ZNF624: variants seen among roughly 807,000 people sequenced by gnomAD.
ZNF624 encodes zinc finger protein 624.
Under a neutral mutation model 74.7 loss-of-function variants are expected in ZNF624, and 43 were observed. The ratio of observed to expected loss-of-function variants is 0.58; its 90% CI spans 0.45 to 0.74. The LOEUF is 0.74. ZNF624 is among the 30% of genes least tolerant of loss of function. The pLI, the probability that ZNF624 is intolerant of heterozygous loss-of-function variation, is 0.00. For synonymous variants in ZNF624, 331 were observed against 341.3 expected (o/e 0.97, Z 0.33); for missense variants, 820 against 1,030.0 (o/e 0.80, Z 2.79).
chr17:16,632,794 A>G (rs1316508348), intron 5 of ZNF624, among the ~76,000 whole-genome samples: 1 of 152,224 alleles, frequency 6.6e-6, no homozygotes, highest in East Asian at 1.9e-4. Context: ...CTGCAGTAGA[A>G]TCTCTCCATG....
chr17:16,617,401 C>T (rs192404580), downstream of ZNF624: 14 of 1,613,196 alleles, frequency 8.7e-6, no homozygotes, highest in East Asian at 6.7e-5. Context: ...GTCCAAAGCA[C>T]GCTTCATGTC....
At chr17:16,619,608 G>A (rs118083884), downstream of ZNF624, among the ~76,000 whole-genome samples, 1,846 of 152,334 alleles carry the variant, frequency 0.012, 18 homozygotes, top group Middle Eastern at 0.031. Flanking sequence ...ATCCACTGAG[G>A]AAGTGCAAAT....
chr17:16,629,444 T>C (rs1040523790), intron 5 of ZNF624, among the ~76,000 whole-genome samples: 1 of 151,962 alleles, frequency 6.6e-6, no homozygotes, highest in Non-Finnish European at 1.5e-5. Flanking sequence ...CAGATAGATG[T>C]CCTTTAATGA....
chr17:16,647,306 A>T (rs1236634119), intron 3 of ZNF624, 23 bp downstream of exon 3: 9 of 1,590,944 alleles, frequency 5.7e-6, no homozygotes, highest in Non-Finnish European at 7.8e-6. Context: ...TGTATTCATT[A>T]TATGTACAAC....
chr17:16,645,957 A>AAAAG (rs1199238038), intron 3 of ZNF624, among the ~76,000 whole-genome samples: 3 of 151,416 alleles, frequency 2.0e-5, no homozygotes, highest in African/African-American at 7.3e-5. Context: ...AAAAAAAAAA[A>AAAAG]AAAAAAAAGA....
chr17:16,639,388 G>A (rs975616401), intron 3 of ZNF624, among the ~76,000 whole-genome samples: 3 of 152,146 alleles, frequency 2.0e-5, no homozygotes, highest in Non-Finnish European at 2.9e-5. Flanking sequence ...CATGGCGAAT[G>A]TAGGACATGT....
intron 3 of ZNF624, among the ~76,000 whole-genome samples, chr17:16,639,053 C>T (rs922304799): frequency 3.3e-5 from 5 of 151,752 alleles, no homozygotes; most frequent in Admixed American, 6.6e-5. Flanking sequence ...GATGTCTTGC[C>T]CAAAGTCAAA....
At chr17:16,617,473 G>C (rs1350995091), downstream of ZNF624, 5 of 1,608,084 alleles carry the variant, frequency 3.1e-6, no homozygotes, top group African/African-American at 5.3e-5. Flanking sequence ...ATCCGCACAG[G>C]TTACTTAACC....
rs780837202 is a variant in ZNF624 at position 16,624,055 on chromosome 17, T to C, written c.831A>G (p.Lys277=). 33 of 1,614,108 alleles carry C rather than the reference T, an allele frequency of 2.0e-5. No homozygotes were observed. Among genetic ancestry groups the C allele is most frequent in the Admixed American group, 1.5e-4 (9 of 60,008 alleles). Residue 277 remains lysine, a synonymous_variant, in exon 6 of 6, where the codon AAA becomes AAG. Transcript: ENST00000311331. The part of the protein sequence containing the change: ...KKSNNKEKPY[K]CSTCEKAFHY... ...GAAAGGCCTTTTCGCATGTACTACA[T>C]TTGTAGGGTTTTTCCTTATTATTGG...
the ZNF624 span, among the ~76,000 whole-genome samples, chr17:16,615,519 AT>A: frequency 1.3e-5 from 2 of 152,156 alleles, no homozygotes; most frequent in African/African-American, 4.8e-5. Context: ...TTTTATGACA[AT>A]TTTTTAAATG....
chr17:16,648,836 C>T (rs1341323479), intron 2 of ZNF624, among the ~76,000 whole-genome samples: 1 of 152,168 alleles, frequency 6.6e-6, no homozygotes, highest in Non-Finnish European at 1.5e-5. Context: ...CCCTATCTGT[C>T]ACAACTTTCC....
chr17:16,649,946 G>C (rs1430696410), intron 1 of ZNF624, among the ~76,000 whole-genome samples, 200 bp from the exon 2 acceptor site: 1 of 152,116 alleles, frequency 6.6e-6, no homozygotes, highest in Admixed American at 6.5e-5. Flanking sequence ...CAACTAACAG[G>C]CTAGCCATTG....
At chr17:16,638,056 T>C (rs1909376330) in intron 3 of ZNF624, among the ~76,000 whole-genome samples, 1 of 152,092 alleles carries the variant, frequency 6.6e-6, no homozygotes. Flanking sequence ...GGGCAAAGGA[T>C]ATGAACAGAC....
chr17:16,634,070 G>C lies in ZNF624; in HGVS notation c.281-113C>G, dbSNP rs570933980. 1.8e-3 allele frequency: 1,275 copies of C among 721,660 alleles called. 31 individuals are homozygous for C. The South Asian group carries it at 0.023, about 13-fold the overall frequency. 44.7% of individuals were successfully genotyped at this position (721,660 alleles called of 1,614,324 possible). A position where few individuals can be genotyped will look rare whatever the true frequency, so the allele number is the denominator to read the frequency against. ...AGAATGACCATTACAGGAAGTTCTA[G>C]AGCTGCACTGTCTGATACAGTTGCC... On this transcript the variant is annotated intron_variant, in intron 4 of 5. Coordinates refer to ENST00000311331, the MANE Select transcript of ZNF624 (RefSeq NM_020787.4).
chr17:16,639,461 G>GGA (rs1490261983), intron 3 of ZNF624, among the ~76,000 whole-genome samples: 1 of 152,034 alleles, frequency 6.6e-6, no homozygotes, highest in Non-Finnish European at 1.5e-5. Flanking sequence ...ACTGGGTTTT[G>GGA]TTTTCTTTCT....
intron 3 of ZNF624, among the ~76,000 whole-genome samples, chr17:16,638,754 C>T (rs1909398027): frequency 8.4e-6 from 1 of 118,536 alleles, no homozygotes; most frequent in South Asian, 2.4e-4. Context: ...ATGCCTAATG[C>T]TAAATGACGA....
intron 5 of ZNF624, among the ~76,000 whole-genome samples, chr17:16,630,112 T>C (rs1421810562): frequency 6.6e-6 from 1 of 152,134 alleles, no homozygotes; most frequent in Non-Finnish European, 1.5e-5. Context: ...TTTAGACAGA[T>C]GGTTCACTTC....
At chr17:16,646,242 C>A (rs60335341) in intron 3 of ZNF624, among the ~76,000 whole-genome samples, 2 of 151,986 alleles carry the variant, frequency 1.3e-5, no homozygotes, top group Admixed American at 6.5e-5. Context: ...GTTTATGGTT[C>A]AAAGTCTAAA....
intron 2 of ZNF624, among the ~76,000 whole-genome samples, chr17:16,648,109 G>A (rs569888305): frequency 2.5e-4 from 38 of 151,048 alleles, no homozygotes; most frequent in African/African-American, 9.2e-4. Flanking sequence ...CTAATTTTTT[G>A]TACTCTTTTT....
Sources: allele counts gnomAD v4.1 joint callset (sites outside exome capture counted in the v4.1 genomes callset), GRCh38; gene constraint gnomAD v4.1.1; transcripts MANE v1.5; gene names NCBI Gene and HGNC (gene_info 2026-07-23, HGNC 2026-07-21).